Variants in NCOR2 observed in about 807,000 individuals in gnomAD.
NCOR2 encodes the protein CTG repeat protein 26.
A neutral mutation model predicts 262.9 loss-of-function variants in NCOR2; 81 were observed. That is an observed-to-expected ratio of 0.31 (90% CI 0.26 to 0.37). NCOR2 has a LOEUF of 0.37. Among genes scored for constraint, NCOR2 ranks in the 10% least tolerant of loss-of-function variants. The pLI is 1.00. For missense variants in NCOR2, 3,385 were observed against 3,621.4 expected (o/e 0.93, Z 1.68); for synonymous variants, 1,659 against 1,559.3 (o/e 1.06, Z -1.51).
chr12:124,333,224 G>A (rs1299566313), exon 42 of NCOR2: 5 of 1,613,000 alleles, frequency 3.1e-6, no homozygotes, highest in Non-Finnish European at 3.4e-6. Flanking sequence ...GGGGACACAG[G>A]TTCAATACCG....
chr12:124,391,377 T>C (rs2041293150), intron 16 of NCOR2, among the ~76,000 whole-genome samples: 1 of 151,970 alleles, frequency 6.6e-6, no homozygotes, highest in African/African-American at 2.4e-5. Flanking sequence ...GCCCCCCACC[T>C]GCCATTTTCC....
chr12:124,325,392 C>CCCCGGGGG, exon 47 of NCOR2: 1 of 1,152,266 alleles, frequency 8.7e-7, no homozygotes, highest in Non-Finnish European at 1.1e-6. Context: ...CCCCCCCGCC[C>CCCCGGGGG]TGTTCTGAGT....
chr12:124,449,713 A>G, intron 7 of NCOR2, 102 bp downstream of exon 9: 6 of 1,403,764 alleles, frequency 4.3e-6, no homozygotes, highest in Non-Finnish European at 5.9e-6. Context: ...GGAGCCCCTG[A>G]TGGGAACAGA....
At chr12:124,528,524 G>C (rs1202396339) in intron 1 of NCOR2, among the ~76,000 whole-genome samples, 4 of 152,120 alleles carry the variant, frequency 2.6e-5, no homozygotes, top group Non-Finnish European at 4.4e-5. Flanking sequence ...GTGTGGTTTT[G>C]CCCAAGACAA....
chr12:124,330,562 G>C (rs1482675186), intron 44 of NCOR2, among the ~76,000 whole-genome samples: 1 of 152,240 alleles, frequency 6.6e-6, no homozygotes, highest in African/African-American at 2.4e-5. Flanking sequence ...AAGAAGCAAG[G>C]TGAGTTTCCA....
At position 124,387,563 on chromosome 12, in the gene NCOR2, G is replaced by GAC. The variant is rs2040909891; in HGVS notation, c.1877-1677_1877-1676insGT. Among the ~76,000 whole-genome samples the GAC allele has an allele frequency of 2.6e-5, 4 of 152,300 alleles. No individual in the cohort carries two copies. The South Asian group carries it at 8.3e-4, about 32-fold the overall frequency. On this transcript the variant is annotated intron_variant, in intron 16 of 46. Coordinates refer to ENST00000405201, the Ensembl canonical transcript of NCOR2. Reference sequence around the variant, plus strand: ...GTCCTCTGGCCCCCGTGGCGTGGGGGTGGCACTGACTGACAGGCCACCTGT... The same window carrying GAC: ...GTCCTCTGGCCCCCGTGGCGTGGGGGACTGGCACTGACTGACAGGCCACCTGT...
At chr12:124,359,481 G>A (rs77945928) in intron 22 of NCOR2, among the ~76,000 whole-genome samples, 3,158 of 152,314 alleles carry the variant, frequency 0.021, 122 homozygotes, top group African/African-American at 0.072. Context: ...GTGCCCTGGC[G>A]AGGTGGGCAG....
chr12:124,494,507 T>TGCGGC (rs2048273125), intron 1 of NCOR2, among the ~76,000 whole-genome samples: 1 of 151,506 alleles, frequency 6.6e-6, no homozygotes, highest in African/African-American at 2.4e-5. Context: ...TGGGGTGGGG[T>TGCGGC]GCGGCTTAGG....
exon 9 of NCOR2, chr12:124,430,755 G>A (rs1452021109): frequency 6.2e-7 from 1 of 1,613,826 alleles, no homozygotes; most frequent in African/African-American, 1.3e-5. Context: ...AGGCCTCCAT[G>A]AGCTGGTCAT....
At position 124,363,690 on chromosome 12, in the gene NCOR2, TG is replaced by T; in HGVS notation, c.2916del (p.Ile973SerfsTer90). On this transcript the variant is annotated frameshift_variant, in exon 21 of 47. Coordinates refer to ENST00000405201, the Ensembl canonical transcript of NCOR2. LOFTEE classifies it high-confidence loss of function. ...GGGTGGGCACTCACGATGGGGGGGATGGCAGCCGCTCGCTGCTTCAGCTGCT... is the reference window on the plus strand; with the variant it reads ...GGGTGGGCACTCACGATGGGGGGGATGCAGCCGCTCGCTGCTTCAGCTGCT... The T allele has an allele frequency of 7.2e-7, 1 of 1,389,930 alleles. No individual in the cohort carries two copies. Among genetic ancestry groups the T allele is most frequent in the Non-Finnish European group, 9.4e-7 (1 of 1,061,714 alleles). The allele number at this position is 1,389,930 out of a possible 1,614,324, so 86.1% of individuals were successfully genotyped here.
chr12:124,471,683 A>G (rs1226084141), intron 4 of NCOR2, among the ~76,000 whole-genome samples: 1 of 152,216 alleles, frequency 6.6e-6, no homozygotes, highest in Non-Finnish European at 1.5e-5. Context: ...CTCCTGCCTC[A>G]GCCTCCTGAG....
rs773948596 is a variant in NCOR2, at chr12:124,420,012, T to C, written c.1427A>G (p.Asn476Ser). ...TCTCACCAGGCTCTTATAGTTCTCA[T>C]TCTTCTTAGTCAGGTAGTAATAGAG... is the stretch of plus-strand genomic sequence containing the variant. The change falls in exon 13 of 47, where the codon AAT (asparagine) becomes AGT (serine). Residue 476 changes from asparagine to serine, a missense_variant. By Grantham distance (46) the Asn-to-Ser change is conservative. Coordinates refer to ENST00000405201, the Ensembl canonical transcript of NCOR2. The C allele has an allele frequency of 7.4e-6, 12 of 1,613,742 alleles. No homozygotes were observed. The African/African-American group carries it at 1.3e-4, about 18-fold the overall frequency.
intron 12 of NCOR2, among the ~76,000 whole-genome samples, chr12:124,421,761 G>C (rs893887631): frequency 2.6e-5 from 4 of 152,216 alleles, no homozygotes; most frequent in Admixed American, 1.3e-4. Context: ...GAAGGCCCAG[G>C]GGCCACGTCC....
chr12:124,325,538 G>C, exon 47 of NCOR2: 2 of 1,336,406 alleles, frequency 1.5e-6, no homozygotes, highest in Non-Finnish European at 1.9e-6. Flanking sequence ...CATGACACCC[G>C]CCTGCAGCCG....
At chr12:124,401,429 A>C (rs983470055) in intron 14 of NCOR2, among the ~76,000 whole-genome samples, 1 of 152,224 alleles carries the variant, frequency 6.6e-6, no homozygotes, top group African/African-American at 2.4e-5. Context: ...CTGCAAGACT[A>C]TTTGGTGAAC....
chr12:124,523,317 C>T lies in NCOR2; in HGVS notation c.-118+12248G>A, dbSNP rs2050288266. On this transcript the variant is annotated intron_variant, in intron 1 of 46. Transcript: ENST00000404621. The surrounding 1 kb of genome is among the most constrained non-coding windows in gnomAD (Gnocchi z 4.0). ...GGCACCCAGCAACTGGCAAGGACGGCTGGGGGCAGGGGGCAGGTGGCTGCC... is the reference window on the plus strand; with the variant it reads ...GGCACCCAGCAACTGGCAAGGACGGTTGGGGGCAGGGGGCAGGTGGCTGCC... Among the ~76,000 whole-genome samples, 2 of 152,214 alleles carry T rather than the reference C, an allele frequency of 1.3e-5. No individual in the cohort carries two copies. The highest frequency in any genetic ancestry group is 2.9e-5 in the Non-Finnish European group (2 of 68,038).
chr12:124,354,319 G>A, intron 26 of NCOR2, 123 bp from the exon 29 acceptor site: 1 of 1,195,770 alleles, frequency 8.4e-7, no homozygotes, highest in Non-Finnish European at 1.2e-6. Context: ...AACGCAGAGG[G>A]AGTCCCCCTA....
rs757439772 is a variant in NCOR2 at position 124,378,424 on chromosome 12, G to C, written c.2020-40C>G. 36 of 1,572,848 alleles carry C rather than the reference G, an allele frequency of 2.3e-5. No individual in the cohort carries two copies. The highest frequency in any genetic ancestry group is 3.0e-5 in the Non-Finnish European group (35 of 1,160,282). ...AGCAGCAGATCAGGACTGGGGCCTG[G>C]GCTGTCAGCTCGGGGACTCCCCATG... is the stretch of plus-strand genomic sequence containing the variant. On this transcript the variant is annotated intron_variant, in intron 17 of 46. Transcript: ENST00000405201. The surrounding 1 kb of genome is among the most constrained non-coding windows in gnomAD (Gnocchi z 4.2).
Position 124,481,334 on chromosome 12 carries a change from C to A in NCOR2, c.411+2262G>T, listed in dbSNP as rs1004701128. On this transcript the variant is annotated intron_variant, in intron 3 of 46. Transcript: ENST00000405201. The surrounding 1 kb of genome is among the most constrained non-coding windows in gnomAD (Gnocchi z 4.6). ...AAGCCCAGACCCAAGTGCAGGCGGC[C>A]CAAGCCCCAGGCCACAGAGACCCCC... 6.6e-6 allele frequency among the ~76,000 whole-genome samples: 1 copy of A among 152,064 alleles called. No individual in the cohort carries two copies. Among genetic ancestry groups the A allele is most frequent in the Admixed American group, 6.5e-5 (1 of 15,274 alleles).
Sources: allele counts gnomAD v4.1 joint callset (sites outside exome capture counted in the v4.1 genomes callset), GRCh38; gene constraint gnomAD v4.1.1; non-coding constraint Gnocchi (gnomAD v3.1); transcripts MANE v1.5; gene names NCBI Gene and HGNC (gene_info 2026-07-23, HGNC 2026-07-21).